ASTN2: variants seen among roughly 807,000 people sequenced by gnomAD.
ASTN2 encodes astrotactin-2.
A neutral mutation model predicts 139.8 loss-of-function variants in ASTN2; 54 were observed. That is an observed-to-expected ratio of 0.39 (90% CI 0.31 to 0.48). ASTN2 has a LOEUF of 0.48. Ranked by LOEUF, ASTN2 falls within the 20% of genes least tolerant of loss-of-function variation. The probability of loss-of-function intolerance (pLI) is 0.95; values close to 1 mark genes in which losing one functional copy is unlikely to be tolerated. For synonymous variants in ASTN2, 756 were observed against 719.5 expected (o/e 1.05, Z -0.81); for missense variants, 1,565 against 1,725.1 (o/e 0.91, Z 1.64).
At chr9:116,744,563 A>T (rs1829184300) in intron 13 of ASTN2, among the ~76,000 whole-genome samples, 1 of 152,184 alleles carries the variant, frequency 6.6e-6, no homozygotes, top group South Asian at 2.1e-4. Flanking sequence ...AGAGGCACAG[A>T]TTTGAGAGAG....
chr9:117,193,140 A>G (rs1831391990), intron 3 of ASTN2, among the ~76,000 whole-genome samples: 1 of 152,208 alleles, frequency 6.6e-6, no homozygotes, highest in South Asian at 2.1e-4. Context: ...CAAAGAGAAG[A>G]ATCAGGAAGT....
chr9:117,395,701 T>A (rs1416145146), intron 1 of ASTN2, among the ~76,000 whole-genome samples: 1 of 152,088 alleles, frequency 6.6e-6, no homozygotes, highest in African/African-American at 2.4e-5. Flanking sequence ...GCCCTGGAGT[T>A]GTGAATTTAG....
chr9:116,686,575 G>T (rs184193712), intron 16 of ASTN2: 17 of 1,016,052 alleles, frequency 1.7e-5, no homozygotes, highest in South Asian at 2.9e-5. Context: ...ATCAGACCTC[G>T]TCCTTGCCAG....
chr9:117,373,887 T>G (rs1830052552), intron 1 of ASTN2, among the ~76,000 whole-genome samples: 1 of 152,202 alleles, frequency 6.6e-6, no homozygotes, highest in Non-Finnish European at 1.5e-5. Flanking sequence ...TATCCTAACA[T>G]GTTCCAGGGA....
rs1392698287 is a variant in ASTN2, at chr9:117,364,978, CACACACACACACACACACACAA to C, written c.442+49497_442+49518del. Among the ~76,000 whole-genome samples the C allele has an allele frequency of 4.1e-5, 6 of 146,524 alleles. No individual in the cohort carries two copies. The East Asian group carries it at 6.4e-4, about 16-fold the overall frequency. On this transcript the variant is annotated intron_variant, in intron 1 of 22. Coordinates refer to ENST00000313400, the MANE Select transcript of ASTN2 (RefSeq NM_001365068.1). ...ACACACACACACACACACACACACA[CACACACACACACACACACACAA>C]AATCAGCCATGCATTATGGCATGCA...
intron 6 of ASTN2, among the ~76,000 whole-genome samples, chr9:117,018,439 C>T (rs73657616): frequency 0.1 from 8,012 of 80,454 alleles, 519 homozygotes; most frequent in African/African-American, 0.22. Context: ...CCCCAAATCT[C>T]TTTCATTACT....
intron 7 of ASTN2, among the ~76,000 whole-genome samples, chr9:117,006,021 C>T (rs1405365747): frequency 6.6e-6 from 1 of 152,226 alleles, no homozygotes; most frequent in East Asian, 1.9e-4. Context: ...GAAAAACCAC[C>T]AAGGGTGGCA....
intron 19 of ASTN2, among the ~76,000 whole-genome samples, chr9:116,557,114 C>T (rs542607052): frequency 5.7e-4 from 85 of 149,556 alleles, no homozygotes; most frequent in African/African-American, 2.1e-3. Flanking sequence ...GTCCCAGCTA[C>T]TCGGGAGGCT....
chr9:117,361,841 A>C (rs1314285151), intron 1 of ASTN2, among the ~76,000 whole-genome samples: 1 of 152,192 alleles, frequency 6.6e-6, no homozygotes, highest in Non-Finnish European at 1.5e-5. Flanking sequence ...TTGAGGATTT[A>C]AAAATATATA....
rs1377779715 is a variant in ASTN2, at chr9:116,780,659, G to T, written c.2396+24973C>A. 2.6e-5 allele frequency among the ~76,000 whole-genome samples: 4 copies of T among 152,108 alleles called. No homozygotes were observed. The East Asian group carries it at 7.7e-4, about 29-fold the overall frequency. On this transcript the variant is annotated intron_variant, in intron 13 of 22. Coordinates refer to ENST00000313400, the MANE Select transcript of ASTN2 (RefSeq NM_001365068.1). ...AAGAACCTCATGACCCTGGGCAAGC[G>T]TATCTATCATAGTAGCTTTCCTCAT...
At chr9:117,141,994 G>A (rs1830085959) in intron 3 of ASTN2, among the ~76,000 whole-genome samples, 1 of 152,180 alleles carries the variant, frequency 6.6e-6, no homozygotes, top group African/African-American at 2.4e-5. Context: ...ATCAGGGTGA[G>A]GTTGGACAGA....
chr9:116,811,831 A>T (rs1460615689), intron 12 of ASTN2, among the ~76,000 whole-genome samples: 1 of 152,078 alleles, frequency 6.6e-6, no homozygotes, highest in East Asian at 1.9e-4. Flanking sequence ...GGAAGTATAA[A>T]TTTATTTCTA....
chr9:116,666,335 A>G (rs1487981298), intron 16 of ASTN2, among the ~76,000 whole-genome samples: 1 of 152,224 alleles, frequency 6.6e-6, no homozygotes, highest in Non-Finnish European at 1.5e-5. Flanking sequence ...TATAGGGAAA[A>G]GAACATACCT....
At chr9:117,178,258 C>G (rs1830967504) in intron 3 of ASTN2, among the ~76,000 whole-genome samples, 1 of 152,142 alleles carries the variant, frequency 6.6e-6, no homozygotes, top group Non-Finnish European at 1.5e-5. Context: ...AATGAAAGCT[C>G]CACAAGGACA....
intron 5 of ASTN2, among the ~76,000 whole-genome samples, chr9:117,083,728 A>G (rs549875297): frequency 6.6e-6 from 1 of 152,180 alleles, no homozygotes; most frequent in Non-Finnish European, 1.5e-5. Context: ...GAGACTGATT[A>G]TTCCTTCTCG....
chr9:117,071,017 G>A (rs1284998063), intron 5 of ASTN2, among the ~76,000 whole-genome samples: 14 of 149,112 alleles, frequency 9.4e-5, no homozygotes, highest in East Asian at 2.0e-4. Flanking sequence ...GCTCGTCAAA[G>A]TCATTCTCCA....
chr9:116,663,946 C>T (rs183813691), intron 16 of ASTN2, among the ~76,000 whole-genome samples: 1 of 152,262 alleles, frequency 6.6e-6, no homozygotes, highest in East Asian at 1.9e-4. Context: ...CAATATTAGG[C>T]TGCCTCCCAC....
chr9:117,235,873 C>A (rs548298453), intron 2 of ASTN2, among the ~76,000 whole-genome samples: 46 of 152,294 alleles, frequency 3.0e-4, no homozygotes, highest in Middle Eastern at 3.4e-3. Flanking sequence ...CTACAGTTTG[C>A]AGACCTGTGA....
chr9:116,615,248 G>T (rs1855778511), intron 19 of ASTN2, among the ~76,000 whole-genome samples: 2 of 152,178 alleles, frequency 1.3e-5, no homozygotes, highest in Non-Finnish European at 2.9e-5. Context: ...AGGATGTGGA[G>T]AAATAGGAAG....
Sources: gnomAD v4.1 joint callset for allele counts (sites outside exome capture counted in the v4.1 genomes callset) on GRCh38, gnomAD v4.1.1 for gene constraint, MANE v1.5 for transcripts, NCBI Gene and HGNC (gene_info 2026-07-23, HGNC 2026-07-21) for gene names.